F13A1: variants seen among roughly 807,000 people sequenced by gnomAD.
The protein encoded by F13A1 is coagulation factor XIII A chain, also known as FSF, A subunit.
F13A1 carries 47 observed loss-of-function variants against 80.1 expected under a neutral mutation model. The observed-to-expected ratio is 0.59, with a 90% confidence interval of 0.46 to 0.75. F13A1 has a LOEUF of 0.75. F13A1 is among the 30% of genes least tolerant of loss of function. F13A1 has a pLI of 0.00. For missense variants in F13A1, 817 were observed against 930.4 expected (o/e 0.88, Z 1.59); for synonymous variants, 349 against 344.9 (o/e 1.01, Z -0.13).
At chr6:6,181,663 A>G (rs1760988107) in intron 11 of F13A1, among the ~76,000 whole-genome samples, 1 of 152,366 alleles carries the variant, frequency 6.6e-6, no homozygotes, top group South Asian at 2.1e-4. Context: ...TTAGTTATAC[A>G]GTGTTTTCTA....
intron 3 of F13A1, among the ~76,000 whole-genome samples, chr6:6,281,841 A>G (rs1232713060): frequency 6.6e-6 from 1 of 151,896 alleles, no homozygotes; most frequent in Non-Finnish European, 1.5e-5. Context: ...AAAATACAAT[A>G]AATTAGCCAG....
intron 2 of F13A1, among the ~76,000 whole-genome samples, chr6:6,306,651 T>C (rs1758516297): frequency 1.3e-5 from 2 of 152,218 alleles, no homozygotes; most frequent in Admixed American, 1.3e-4. Flanking sequence ...TAAAGAGTTA[T>C]TGGGGAGAAG....
chr6:6,253,956 G>A (rs538430068), intron 4 of F13A1, among the ~76,000 whole-genome samples: 2 of 152,274 alleles, frequency 1.3e-5, no homozygotes, highest in African/African-American at 2.4e-5. Flanking sequence ...GCACATGTGT[G>A]TCTCTCCCTG....
At chr6:6,316,218 G>A (rs1159235548) in intron 2 of F13A1, among the ~76,000 whole-genome samples, 1 of 143,702 alleles carries the variant, frequency 7.0e-6, no homozygotes, top group Non-Finnish European at 1.5e-5. Context: ...CCCAGAGCAT[G>A]TAACACTTAT....
chr6:6,316,466 T>A (rs1452215663), intron 2 of F13A1, among the ~76,000 whole-genome samples: 1 of 151,970 alleles, frequency 6.6e-6, no homozygotes, highest in Non-Finnish European at 1.5e-5. Context: ...AATGACTGAT[T>A]TTTTCAGAGT....
At chr6:6,151,790 G>A (rs537237465) in intron 14 of F13A1, 23 bp downstream of exon 14, 53 of 1,613,754 alleles carry the variant, frequency 3.3e-5, no homozygotes, top group Middle Eastern at 1.7e-4. Flanking sequence ...CTGCCTGCCC[G>A]GTCTCCCCAA....
chr6:6,311,826 T>A (rs1215357498), intron 2 of F13A1, among the ~76,000 whole-genome samples: 1 of 130,664 alleles, frequency 7.7e-6, no homozygotes, highest in African/African-American at 2.9e-5. Context: ...ATAATAGATA[T>A]AAGCAAACTA....
At chr6:6,191,241 G>T (rs1282699592) in intron 10 of F13A1, among the ~76,000 whole-genome samples, 1 of 152,172 alleles carries the variant, frequency 6.6e-6, no homozygotes, top group Non-Finnish European at 1.5e-5. Context: ...AGCCATCTTG[G>T]CTCCTCCCTC....
intron 11 of F13A1, among the ~76,000 whole-genome samples, chr6:6,178,053 G>A (rs966294595): frequency 5.2e-5 from 7 of 133,938 alleles, no homozygotes; most frequent in South Asian, 2.8e-4. Flanking sequence ...GAGGGGGGGG[G>A]GGGTGGGGCT....
At position 6,157,794 on chromosome 6, in the gene F13A1, G is replaced by C. The variant is rs3024485; in HGVS notation, c.1909-5845C>G. On this transcript the variant is annotated intron_variant, in intron 13 of 14. Transcript: ENST00000264870. Reference sequence around the variant, plus strand: ...GATTACAGGACTGGAATGTGAGATTGGTTATTCTCATGTGTGTCTCTTTTT... The same window carrying C: ...GATTACAGGACTGGAATGTGAGATTCGTTATTCTCATGTGTGTCTCTTTTT... Among the ~76,000 whole-genome samples the C allele has an allele frequency of 1.9e-3, 288 of 152,260 alleles. 2 individuals are homozygous for C. Among genetic ancestry groups the C allele is most frequent in the Middle Eastern group, 6.8e-3 (2 of 294 alleles).
intron 6 of F13A1, among the ~76,000 whole-genome samples, chr6:6,231,882 T>A (rs1159393164): frequency 6.6e-6 from 1 of 152,160 alleles, no homozygotes; most frequent in Non-Finnish European, 1.5e-5. Flanking sequence ...AATGCTGAGA[T>A]AATTCACCAT....
chr6:6,266,565 C>A lies in F13A1; in HGVS notation c.564G>T (p.Trp188Cys). The A allele has an allele frequency of 1.2e-6, 2 of 1,614,216 alleles. No individual in the cohort carries two copies. The highest frequency in any genetic ancestry group is 1.7e-6 in the Non-Finnish European group (2 of 1,180,044). Reference protein sequence around the residue: ...ETDTYILFNPWCEDDAVYLDN... With the variant: ...ETDTYILFNPCCEDDAVYLDN... ...TAAATGTCTGCCTCTTACCTTCACA[C>A]CAAGGATTGAAGAGAATGTACGTGT... Residue 188 changes from tryptophan (W) to cysteine (C), a missense_variant, in exon 4 of 15, where the codon TGG becomes TGT. Coordinates refer to ENST00000264870, the MANE Select transcript of F13A1 (RefSeq NM_000129.4).
At position 6,219,351 on chromosome 6, in the gene F13A1, C is replaced by T. The variant is rs139634046; in HGVS notation, c.1112+2682G>A. ...CACCCTCACCCTCACCCTTCCTCAC[C>T]AGCCCTATGCTCAGGCAGCCCCTGC... On this transcript the variant is annotated intron_variant, in intron 8 of 14. Transcript: ENST00000264870. Among the ~76,000 whole-genome samples, 941 of 152,084 alleles carry T rather than the reference C, an allele frequency of 6.2e-3. 8 individuals carry two copies. Among genetic ancestry groups the T allele is most frequent in the Middle Eastern group, 0.054 (16 of 294 alleles).
chr6:6,147,867 C>A (rs1760312886), intron 14 of F13A1, among the ~76,000 whole-genome samples: 1 of 152,110 alleles, frequency 6.6e-6, no homozygotes, highest in South Asian at 2.1e-4. Flanking sequence ...ATAAGTGGAG[C>A]AATGTTGGAG....
chr6:6,182,372 C>T lies in F13A1; in HGVS notation c.1306-231G>A, dbSNP rs2274393. ...GATTATTTGAGGCTGAGATAATAAA[C>T]TGTCTAAGAAGCAACCATTTTTCTC... On this transcript the variant is annotated intron_variant, in intron 10 of 14. Coordinates refer to ENST00000264870, the MANE Select transcript of F13A1 (RefSeq NM_000129.4). Among the ~76,000 whole-genome samples, 47,775 of 151,986 alleles carry T rather than the reference C, an allele frequency of 0.31. 8,437 individuals are homozygous for T. Among genetic ancestry groups the T allele is most frequent in the East Asian group, 0.52 (2,710 of 5,164 alleles).
intron 2 of F13A1, among the ~76,000 whole-genome samples, chr6:6,310,740 A>G (rs1014958195): frequency 2.0e-5 from 3 of 152,212 alleles, no homozygotes; most frequent in African/African-American, 7.2e-5. Context: ...GGTACATGGT[A>G]AATGCTCAGA....
Position 6,174,988 on chromosome 6 carries a change from T to TC in F13A1, c.1460-122dup, listed in dbSNP as rs145634193. 7,971 of 1,198,230 alleles carry TC rather than the reference T, an allele frequency of 6.7e-3. 429 individuals carry two copies. In the African/African-American group the frequency reaches 0.11, roughly 16 times the overall value. 74.2% of individuals were successfully genotyped at this position (1,198,230 alleles called of 1,614,324 possible). A position where few individuals can be genotyped will look rare whatever the true frequency, so the allele number is the denominator to read the frequency against. ...GTTTCTATAATACAAGCTTCAGACC[T>TC]CCCCAGGAGGAGGGTGCCGTCATTA... is the stretch of plus-strand genomic sequence containing the variant. On this transcript the variant is annotated intron_variant, in intron 11 of 14. Transcript: ENST00000264870.
chr6:6,207,615 G>T (rs1022009369), intron 8 of F13A1, among the ~76,000 whole-genome samples: 1 of 152,164 alleles, frequency 6.6e-6, no homozygotes, highest in Admixed American at 6.5e-5. Context: ...TCTCATCTCT[G>T]GTTGATCTTG....
intron 6 of F13A1, among the ~76,000 whole-genome samples, chr6:6,234,939 C>G (rs1757395862): frequency 1.3e-5 from 2 of 151,824 alleles, no homozygotes; most frequent in Non-Finnish European, 2.9e-5. Context: ...GGTATAAATA[C>G]AAACAGATCA....
Sources: allele counts gnomAD v4.1 joint callset (sites outside exome capture counted in the v4.1 genomes callset), GRCh38; gene constraint gnomAD v4.1.1; transcripts MANE v1.5; gene names NCBI Gene and HGNC (gene_info 2026-07-23, HGNC 2026-07-21).